UTS2B: variants seen among roughly 807,000 people sequenced by gnomAD.
UTS2B encodes the protein urotensin-2B.
A neutral mutation model predicts 19.2 loss-of-function variants in UTS2B; 21 were observed. That is an observed-to-expected ratio of 1.09 (90% CI 0.78 to 1.58). The LOEUF (loss-of-function observed/expected upper bound fraction) is 1.58, where lower values mean the gene tolerates loss of function less well. UTS2B is among the 40% of genes most tolerant of loss of function. UTS2B has a pLI of 0.00. For synonymous variants in UTS2B, 57 were observed against 50.2 expected, an observed-to-expected ratio of 1.14 and a Z score of -0.58; for missense variants, 138 against 130.3, an observed-to-expected ratio of 1.06 and a Z score of -0.29.
chr3:191,281,055 A>G (rs929275346), intron 5 of UTS2B, among the ~76,000 whole-genome samples: 8 of 152,190 alleles, frequency 5.3e-5, no homozygotes, highest in African/African-American at 9.6e-5. Flanking sequence ...CTGCCAACAG[A>G]ACTACTCTAC....
intron 5 of UTS2B, among the ~76,000 whole-genome samples, chr3:191,279,938 T>C (rs1476436945): frequency 6.6e-6 from 1 of 152,134 alleles, no homozygotes; most frequent in East Asian, 1.9e-4. Flanking sequence ...TTTTAATGTT[T>C]CTATCTTTGA....
chr3:191,303,591 C>T (rs1717058794), intron 4 of UTS2B, among the ~76,000 whole-genome samples: 1 of 151,344 alleles, frequency 6.6e-6, no homozygotes, highest in South Asian at 2.1e-4. Flanking sequence ...AACCATGTGA[C>T]TATCATGTTA....
At chr3:191,329,465 T>TGGGCCGCC (rs1297052153) in intron 1 of UTS2B, 1 of 475,406 alleles carries the variant, frequency 2.1e-6, no homozygotes, top group African/African-American at 2.1e-5. Flanking sequence ...GCGGGGCAGC[T>TGGGCCGCC]GGGCCGCCAG....
the UTS2B span, among the ~76,000 whole-genome samples, chr3:191,343,277 T>C: frequency 6.6e-6 from 1 of 152,208 alleles, no homozygotes; most frequent in African/African-American, 2.4e-5. Flanking sequence ...GATGTTAGTT[T>C]GTTTAAGATT....
chr3:191,336,335 C>T, the UTS2B span, among the ~76,000 whole-genome samples: 1 of 151,920 alleles, frequency 6.6e-6, no homozygotes, highest in Non-Finnish European at 1.5e-5. Flanking sequence ...ATTTTCAGGA[C>T]CCATTTACTT....
At chr3:191,309,869 T>A (rs1019845304) in intron 3 of UTS2B, among the ~76,000 whole-genome samples, 1 of 152,190 alleles carries the variant, frequency 6.6e-6, no homozygotes, top group Non-Finnish European at 1.5e-5. Context: ...ATGCTTCCTG[T>A]TCATCCTGCA....
the UTS2B span, among the ~76,000 whole-genome samples, chr3:191,336,885 G>A: frequency 6.6e-6 from 1 of 152,166 alleles, no homozygotes; most frequent in African/African-American, 2.4e-5. Context: ...CAAATTTGTT[G>A]CAGGGACCTG....
At chr3:191,276,746 A>G in intron 7 of UTS2B, 61 bp downstream of exon 7, 2 of 1,403,016 alleles carry the variant, frequency 1.4e-6, no homozygotes, top group Admixed American at 3.8e-5. Context: ...ACATTGTGTC[A>G]AGAAGAAATT....
At chr3:191,303,268 GTATCTTTTCTCTTGTTAATA>G (rs1463813908) in intron 4 of UTS2B, among the ~76,000 whole-genome samples, 1 of 150,622 alleles carries the variant, frequency 6.6e-6, no homozygotes, top group African/African-American at 2.4e-5. Flanking sequence ...TAAACTTGTG[GTATCTTTTCTCTTGTTAATA>G]TATCTGCTGT....
intron 4 of UTS2B, among the ~76,000 whole-genome samples, chr3:191,301,665 A>G (rs2108594632): frequency 6.6e-6 from 1 of 150,816 alleles, no homozygotes; most frequent in Middle Eastern, 3.4e-3. Context: ...TTTTTTTTGT[A>G]TTTTTAGTAG....
At chr3:191,309,745 C>A (rs1343982906) in intron 3 of UTS2B, among the ~76,000 whole-genome samples, 1 of 151,996 alleles carries the variant, frequency 6.6e-6, no homozygotes, top group East Asian at 1.9e-4. Context: ...AAGCATGTAG[C>A]ACCTCCTCTT....
chr3:191,274,884 G>A (rs983925064), intron 8 of UTS2B, among the ~76,000 whole-genome samples: 2 of 152,160 alleles, frequency 1.3e-5, no homozygotes, highest in East Asian at 1.9e-4. Flanking sequence ...TTATAGCAAC[G>A]AAGTTTCCCC....
intron 2 of UTS2B, among the ~76,000 whole-genome samples, chr3:191,324,884 A>G (rs561999482): frequency 6.6e-6 from 1 of 152,190 alleles, no homozygotes; most frequent in East Asian, 1.9e-4. Context: ...CCTCCTCTCT[A>G]CTAAATATGC....
chr3:191,315,612 G>A (rs1333043987), intron 3 of UTS2B, among the ~76,000 whole-genome samples: 1 of 152,216 alleles, frequency 6.6e-6, no homozygotes, highest in African/African-American at 2.4e-5. Context: ...GATTGTTATT[G>A]TGGTGTGAGG....
intron 4 of UTS2B, among the ~76,000 whole-genome samples, chr3:191,301,463 T>C (rs558992641): frequency 1.3e-5 from 2 of 151,824 alleles, no homozygotes; most frequent in East Asian, 1.9e-4. Context: ...GTATTTGTTT[T>C]ATTAACTAAA....
upstream of UTS2B, among the ~76,000 whole-genome samples, chr3:191,335,391 G>A (rs1711503178): frequency 6.6e-6 from 1 of 152,134 alleles, no homozygotes; most frequent in African/African-American, 2.4e-5. Flanking sequence ...GGTGTCCTGT[G>A]CTTCAAAAAT....
At chr3:191,337,847 A>G in the UTS2B span, among the ~76,000 whole-genome samples, 2 of 151,920 alleles carry the variant, frequency 1.3e-5, no homozygotes, top group Non-Finnish European at 2.9e-5. Flanking sequence ...TTTAGCTTAT[A>G]TTATTGGTCC....
intron 4 of UTS2B, among the ~76,000 whole-genome samples, chr3:191,290,691 GTCTATGTATCAA>G (rs1217187590): frequency 2.0e-5 from 3 of 152,194 alleles, no homozygotes; most frequent in Non-Finnish European, 4.4e-5. Context: ...TAATAACTCA[GTCTATGTATCAA>G]TTACAGGATA....
intron 1 of UTS2B, chr3:191,329,604 C>T (rs1717874845): frequency 2.0e-6 from 3 of 1,523,686 alleles, no homozygotes; most frequent in South Asian, 1.2e-5. Flanking sequence ...CTGCTGCGCT[C>T]GGGGCCCCGC....
Sources: allele counts gnomAD v4.1 joint callset (sites outside exome capture counted in the v4.1 genomes callset), GRCh38; gene constraint gnomAD v4.1.1; transcripts MANE v1.5; gene names NCBI Gene and HGNC (gene_info 2026-07-23, HGNC 2026-07-21).